The following MTAP variants were observed in gnomAD, a reference collection of about 807,000 sequenced individuals.
The protein encoded by MTAP is methylthioadenosine phosphorylase.
Under a neutral mutation model 33.6 loss-of-function variants are expected in MTAP, and 33 were observed. The ratio of observed to expected loss-of-function variants is 0.98; its 90% CI spans 0.74 to 1.31. MTAP has a LOEUF of 1.31. Ranked by LOEUF, MTAP falls within the 40% of genes most tolerant of loss-of-function variation. MTAP has a pLI of 0.00. For missense variants in MTAP, 367 were observed against 360.0 expected, an observed-to-expected ratio of 1.02 and a Z score of -0.16; for synonymous variants, 148 against 125.7, an observed-to-expected ratio of 1.18 and a Z score of -1.19.
intron 2 of MTAP, 153 bp downstream of exon 2, chr9:21,815,672 T>C (rs1197870783): frequency 1.5e-6 from 1 of 649,824 alleles, no homozygotes; most frequent in East Asian, 2.9e-5. Flanking sequence ...GTTCTGCTGT[T>C]GGGTTCCATC....
chr9:21,879,243 G>A (rs1204084890), intron 1 of MTAP, among the ~76,000 whole-genome samples: 2 of 151,952 alleles, frequency 1.3e-5, no homozygotes, highest in East Asian at 1.9e-4. Flanking sequence ...TCCTGTGTTG[G>A]GTGCATATAT....
intron 1 of MTAP, among the ~76,000 whole-genome samples, chr9:21,810,881 T>C (rs1247078298): frequency 6.6e-6 from 1 of 152,154 alleles, no homozygotes; most frequent in South Asian, 2.1e-4. Flanking sequence ...TGGACCCTAT[T>C]GCAGGTTTTT....
Position 21,865,803 on chromosome 9 carries a change from T to C in MTAP, c.*3789T>C. ...CTCGGCATGCATTATTTCTTTGTTTTGAAGATTCACTCATGTTGCATGCAT... is the reference window on the plus strand; with the variant it reads ...CTCGGCATGCATTATTTCTTTGTTTCGAAGATTCACTCATGTTGCATGCAT... On this transcript the variant is annotated 3_prime_UTR_variant, in exon 8 of 8. Coordinates refer to ENST00000644715, the MANE Select transcript of MTAP (RefSeq NM_002451.4). 1 of 1,015,044 alleles carries C rather than the reference T, an allele frequency of 9.9e-7. No homozygotes were observed. Among genetic ancestry groups the C allele is most frequent in the Non-Finnish European group, 1.2e-6 (1 of 845,120 alleles). The allele number at this position is 1,015,044 out of a possible 1,614,324, so 62.9% of individuals were successfully genotyped here.
intron 2 of MTAP, 100 bp downstream of exon 2, chr9:21,815,619 T>C (rs902560350): frequency 5.5e-6 from 5 of 907,084 alleles, no homozygotes; most frequent in Non-Finnish European, 6.9e-6. Context: ...TGCTTTTGTT[T>C]TGGCAGCCCA....
At chr9:21,827,333 A>G (rs373009737) in intron 4 of MTAP, among the ~76,000 whole-genome samples, 87 of 152,308 alleles carry the variant, frequency 5.7e-4, no homozygotes, top group African/African-American at 2.1e-3. Flanking sequence ...GCCTGCTCCT[A>G]GAGCTTCTGC....
rs191759123 is a variant in MTAP, at chr9:21,928,180, C to G, written c.148-2828C>G. ...GTACATGTTGGGAGAACTTCTCCAT[C>G]TACCTAATGCTTCCCAGTGGAAAGT... On this transcript the variant is annotated intron_variant, in intron 1 of 1. Transcript: ENST00000577563. Among the ~76,000 whole-genome samples, 4 of 152,318 alleles carry G rather than the reference C, an allele frequency of 2.6e-5. No homozygotes were observed. In the East Asian group the frequency reaches 7.7e-4, roughly 29 times the overall value.
chr9:21,811,742 T>G, intron 1 of MTAP: 1 of 531,492 alleles, frequency 1.9e-6, no homozygotes, highest in South Asian at 1.4e-5. Flanking sequence ...TTCCATCTCA[T>G]CCATGCCCTC....
Position 21,863,925 on chromosome 9 carries a change from A to G in MTAP, c.*1911A>G. ...TTATGACCCTTGGACTTCCTGATGT[A>G]GTATTAAATTTCAACTCTGGTTATC... On this transcript the variant is annotated 3_prime_UTR_variant, in exon 8 of 8. Coordinates refer to ENST00000644715, the MANE Select transcript of MTAP (RefSeq NM_002451.4). The G allele has an allele frequency of 2.0e-6, 2 of 985,822 alleles. No homozygotes were observed. Among genetic ancestry groups the G allele is most frequent in the Non-Finnish European group, 2.4e-6 (2 of 829,932 alleles). The allele number at this position is 985,822 out of a possible 1,614,324, so 61.1% of individuals were successfully genotyped here.
At chr9:21,833,550 G>A (rs1042718837) in intron 4 of MTAP, among the ~76,000 whole-genome samples, 1 of 152,140 alleles carries the variant, frequency 6.6e-6, no homozygotes, top group Admixed American at 6.5e-5. Context: ...TCTCATGACT[G>A]CCTATTCACG....
intron 1 of MTAP, chr9:21,892,352 A>G (rs974755745): frequency 6.6e-6 from 1 of 151,946 alleles, no homozygotes; most frequent in Non-Finnish European, 1.5e-5. Context: ...GCAAGACTCA[A>G]CTCTATGCTA....
intron 5 of MTAP, among the ~76,000 whole-genome samples, chr9:21,853,299 G>C (rs976800506): frequency 6.6e-6 from 1 of 151,960 alleles, no homozygotes; most frequent in Admixed American, 6.6e-5. Flanking sequence ...CTTTAGGGGG[G>C]AAAAGGGGGT....
intron 1 of MTAP, among the ~76,000 whole-genome samples, chr9:21,890,872 C>T (rs1170399382): frequency 2.0e-5 from 3 of 152,160 alleles, no homozygotes; most frequent in Non-Finnish European, 4.4e-5. Context: ...CTGGTACATT[C>T]TTGTGGTCGT....
chr9:21,853,598 A>G (rs1029720527), intron 5 of MTAP, among the ~76,000 whole-genome samples: 2 of 152,158 alleles, frequency 1.3e-5, no homozygotes, highest in East Asian at 1.9e-4. Flanking sequence ...ACTTTGAGTC[A>G]CTCCACTTTA....
In MTAP at chr9:21,836,438, G is replaced by A. The variant is rs550099350; in HGVS notation, c.348-1470G>A. 5.3e-4 allele frequency among the ~76,000 whole-genome samples: 80 copies of A among 152,296 alleles called. 4 individuals carry two copies. The highest frequency in any genetic ancestry group is 4.1e-4 in the South Asian group (2 of 4,826). The stretch of plus-strand genomic sequence containing the variant: ...GATAGACAGGAGATGGGCAGAGGTA[G>A]ATGAAATGCGGGTGTTATGGTGTGG... On this transcript the variant is annotated intron_variant, in intron 4 of 7. Coordinates refer to ENST00000644715, the MANE Select transcript of MTAP (RefSeq NM_002451.4).
chr9:21,912,638 T>C (rs1044543334), intron 1 of MTAP, among the ~76,000 whole-genome samples: 1 of 152,168 alleles, frequency 6.6e-6, no homozygotes, highest in African/African-American at 2.4e-5. Context: ...TATCTCAAAA[T>C]AATAAGAGCT....
chr9:21,802,636 C>G lies in MTAP; in HGVS notation c.-113C>G, dbSNP rs1400240161. 46 of 1,218,930 alleles carry G rather than the reference C, an allele frequency of 3.8e-5. No individual in the cohort carries two copies. Among genetic ancestry groups the G allele is most frequent in the South Asian group, 1.3e-5 (1 of 76,880 alleles). 75.5% of individuals were successfully genotyped at this position (1,218,930 alleles called of 1,614,324 possible). A position where few individuals can be genotyped will look rare whatever the true frequency, so the allele number is the denominator to read the frequency against. ...GGAGGAGTCAAGGCCCGCCCCTGGTCTCCGCACTGCTCACTCCCGCGCAGT... is the reference window on the plus strand; with the variant it reads ...GGAGGAGTCAAGGCCCGCCCCTGGTGTCCGCACTGCTCACTCCCGCGCAGT... On this transcript the variant is annotated 5_prime_UTR_variant, in exon 1 of 8. Coordinates refer to ENST00000644715, the MANE Select transcript of MTAP (RefSeq NM_002451.4).
At chr9:21,877,466 C>A (rs944332804) in intron 1 of MTAP, among the ~76,000 whole-genome samples, 1 of 151,980 alleles carries the variant, frequency 6.6e-6, no homozygotes, top group Non-Finnish European at 1.5e-5. Flanking sequence ...CCAGCTATTC[C>A]CCATCCGGTA....
At chr9:21,850,835 G>T (rs543563334) in intron 5 of MTAP, among the ~76,000 whole-genome samples, 16 of 152,292 alleles carry the variant, frequency 1.1e-4, no homozygotes, top group Non-Finnish European at 2.1e-4. Context: ...AAATGGAAAT[G>T]GTATATATAT....
intron 1 of MTAP, among the ~76,000 whole-genome samples, chr9:21,879,616 C>T (rs1326803484): frequency 6.6e-6 from 1 of 152,020 alleles, no homozygotes; most frequent in Non-Finnish European, 1.5e-5. Context: ...GGTTACTATG[C>T]TGGCTTGTGT....
Sources: gnomAD v4.1 joint callset for allele counts (sites outside exome capture counted in the v4.1 genomes callset) on GRCh38, gnomAD v4.1.1 for gene constraint, MANE v1.5 for transcripts, NCBI Gene and HGNC (gene_info 2026-07-23, HGNC 2026-07-21) for gene names.